CDC42BPB: variants seen among roughly 807,000 people sequenced by gnomAD.
CDC42BPB encodes the protein serine/threonine-protein kinase MRCK beta.
A neutral mutation model predicts 214.9 loss-of-function variants in CDC42BPB; 37 were observed. That is an observed-to-expected ratio of 0.17 (90% CI 0.13 to 0.23). The LOEUF (loss-of-function observed/expected upper bound fraction) is 0.23. CDC42BPB is among the 10% of genes least tolerant of loss of function. The pLI is 1.00. For missense variants in CDC42BPB, 1,694 were observed against 2,227.0 expected (o/e 0.76, Z 4.82); for synonymous variants, 931 against 884.0 (o/e 1.05, Z -0.94).
intron 12 of CDC42BPB, 129 bp downstream of exon 12, chr14:102,973,887 G>T: frequency 2.5e-6 from 3 of 1,189,840 alleles, no homozygotes; most frequent in South Asian, 3.4e-5. Flanking sequence ...TGGCCCTGGC[G>T]TCCTGCATGC....
At chr14:103,043,189 A>G (rs1888102817) in intron 1 of CDC42BPB, among the ~76,000 whole-genome samples, 1 of 152,200 alleles carries the variant, frequency 6.6e-6, no homozygotes, top group South Asian at 2.1e-4. Context: ...GGTTGCAATG[A>G]GCCAAGATCA....
At chr14:102,985,217 T>C (rs959590188) in intron 6 of CDC42BPB, among the ~76,000 whole-genome samples, 1 of 147,744 alleles carries the variant, frequency 6.8e-6, no homozygotes, top group African/African-American at 2.5e-5. Flanking sequence ...GGGTAACCCA[T>C]GCTCTGGTTA....
intron 1 of CDC42BPB, among the ~76,000 whole-genome samples, chr14:103,036,820 TTTTA>T (rs1160834780): frequency 6.6e-6 from 1 of 152,210 alleles, no homozygotes; most frequent in Non-Finnish European, 1.5e-5. Context: ...TGACTTTTTA[TTTTA>T]TTTATTTACT....
In CDC42BPB at chr14:102,980,785, C is replaced by T; in HGVS notation, c.1128G>A (p.Val376=). The T allele has an allele frequency of 3.1e-6, 5 of 1,614,152 alleles. No individual in the cohort carries two copies. Among genetic ancestry groups the T allele is most frequent in the Non-Finnish European group, 4.2e-6 (5 of 1,180,000 alleles). ...CTTTCACACTCACCGTGTTTCTCAG[C>T]ACGTCGTCATCCACGTCGAAGTTGG... is the stretch of plus-strand genomic sequence containing the variant. ...DTSNFDVDDD[V]LRNTEILPPG... Residue 376 remains valine (V), a synonymous_variant, in exon 8 of 37, where the codon GTG becomes GTA. Coordinates refer to ENST00000361246, the MANE Select transcript of CDC42BPB (RefSeq NM_006035.4).
chr14:103,053,383 C>T (rs1422911942), intron 1 of CDC42BPB, among the ~76,000 whole-genome samples: 2 of 151,254 alleles, frequency 1.3e-5, no homozygotes, highest in African/African-American at 2.4e-5. Flanking sequence ...AATACACACG[C>T]AAAGCTGGGC....
chr14:103,029,446 G>A (rs778798686), intron 1 of CDC42BPB, among the ~76,000 whole-genome samples: 10 of 151,632 alleles, frequency 6.6e-5, no homozygotes, highest in East Asian at 1.9e-4. Flanking sequence ...AGGAGGCTGA[G>A]GCAGGAGAAT....
intron 34 of CDC42BPB, among the ~76,000 whole-genome samples, 174 bp downstream of exon 34, chr14:102,939,436 G>A (rs1341189710): frequency 6.6e-6 from 1 of 152,236 alleles, no homozygotes; most frequent in African/African-American, 2.4e-5. Flanking sequence ...GACAGGGTAA[G>A]TGCTCGTGAA....
At chr14:103,021,105 C>G (rs1217713132) in intron 1 of CDC42BPB, among the ~76,000 whole-genome samples, 1 of 152,150 alleles carries the variant, frequency 6.6e-6, no homozygotes, top group African/African-American at 2.4e-5. Context: ...AAAGAACAAC[C>G]ATTAAATTTT....
chr14:103,056,639 G>A lies in CDC42BPB; in HGVS notation c.175+360C>T, dbSNP rs924905705. Reference sequence around the variant, plus strand: ...GAAATGATATCCAGACTCGGAGGGTGGATCTAGGAAGCCGCCAGGGCGAGG... The same window carrying A: ...GAAATGATATCCAGACTCGGAGGGTAGATCTAGGAAGCCGCCAGGGCGAGG... On this transcript the variant is annotated intron_variant, in intron 1 of 36. Coordinates refer to ENST00000361246, the MANE Select transcript of CDC42BPB (RefSeq NM_006035.4). Among the ~76,000 whole-genome samples the A allele has an allele frequency of 6.0e-5, 9 of 150,010 alleles. 1 individual carries two copies. The Middle Eastern group carries it at 0.017, about 285-fold the overall frequency.
chr14:103,019,998 G>T (rs570199830), intron 1 of CDC42BPB, among the ~76,000 whole-genome samples: 3 of 152,364 alleles, frequency 2.0e-5, no homozygotes, highest in African/African-American at 7.2e-5. Context: ...AGACCAGCTG[G>T]AAGGAGTGCC....
intron 19 of CDC42BPB, among the ~76,000 whole-genome samples, chr14:102,964,264 C>T (rs776841519): frequency 1.3e-5 from 2 of 152,184 alleles, no homozygotes; most frequent in African/African-American, 2.4e-5. Flanking sequence ...CGGCTCGCAC[C>T]GCACCACACC....
chr14:102,999,724 GA>G lies in CDC42BPB; in HGVS notation c.448-12del. The G allele has an allele frequency of 2.5e-6, 4 of 1,614,052 alleles. No individual in the cohort carries two copies. The highest frequency in any genetic ancestry group is 3.4e-6 in the Non-Finnish European group (4 of 1,179,950). Reference sequence around the variant, plus strand: ...ATCCATGACTAAGTACTACAAATTGGAAAGAGAAGGGGAGAGAATACCACAT... The same window carrying G: ...ATCCATGACTAAGTACTACAAATTGGAAGAGAAGGGGAGAGAATACCACAT... On this transcript the variant is annotated splice_polypyrimidine_tract_variant and intron_variant, in intron 4 of 36. Coordinates refer to ENST00000361246, the MANE Select transcript of CDC42BPB (RefSeq NM_006035.4).
intron 1 of CDC42BPB, among the ~76,000 whole-genome samples, chr14:103,013,627 A>G (rs1886283028): frequency 6.6e-6 from 1 of 152,224 alleles, no homozygotes; most frequent in South Asian, 2.1e-4. Context: ...AAAAGGAGAG[A>G]AGTCAGACTC....
intron 5 of CDC42BPB, among the ~76,000 whole-genome samples, chr14:102,993,395 C>A (rs1306398689): frequency 1.3e-5 from 2 of 152,136 alleles, no homozygotes; most frequent in Non-Finnish European, 2.9e-5. Context: ...AGGCTTCTGG[C>A]CAAGAGCACG....
intron 11 of CDC42BPB, 130 bp from the exon 12 acceptor site, chr14:102,974,279 C>A: frequency 7.1e-6 from 10 of 1,407,588 alleles, no homozygotes; most frequent in Non-Finnish European, 8.3e-6. Context: ...GGTTTTTTTA[C>A]TTACACACAC....
intron 1 of CDC42BPB, among the ~76,000 whole-genome samples, chr14:103,031,799 G>A (rs572348207): frequency 1.3e-5 from 2 of 152,218 alleles, no homozygotes; most frequent in East Asian, 3.9e-4. Flanking sequence ...CAACTAAAAA[G>A]CTGATGTACC....
intron 1 of CDC42BPB, among the ~76,000 whole-genome samples, chr14:103,052,787 G>C (rs1435012691): frequency 6.6e-6 from 1 of 152,216 alleles, no homozygotes; most frequent in African/African-American, 2.4e-5. Flanking sequence ...ACAGCAGCCA[G>C]GGCAGAGGAC....
chr14:103,029,451 G>A (rs890074657), intron 1 of CDC42BPB, among the ~76,000 whole-genome samples: 11 of 152,056 alleles, frequency 7.2e-5, no homozygotes, highest in South Asian at 2.1e-4. Flanking sequence ...GCTGAGGCAG[G>A]AGAATGGCAT....
chr14:102,963,252 C>A, intron 19 of CDC42BPB, 97 bp from the exon 20 acceptor site: 1 of 1,493,930 alleles, frequency 6.7e-7, no homozygotes, highest in Non-Finnish European at 8.9e-7. Context: ...GATTTCTCCC[C>A]AGCACTCAGG....
Sources: gnomAD v4.1 joint callset for allele counts (sites outside exome capture counted in the v4.1 genomes callset) on GRCh38, gnomAD v4.1.1 for gene constraint, MANE v1.5 for transcripts, NCBI Gene and HGNC (gene_info 2026-07-23, HGNC 2026-07-21) for gene names.